Variants in NLRC5 observed in about 807,000 individuals in gnomAD.
NLRC5 encodes NLR family CARD domain containing 5.
NLRC5 carries 114 observed loss-of-function variants against 206.9 expected under a neutral mutation model. The observed-to-expected ratio is 0.55, with a 90% CI of 0.47 to 0.64. The LOEUF is 0.64. Ranked by LOEUF, NLRC5 falls within the 30% of genes least tolerant of loss-of-function variation. The pLI is 0.00. For missense variants in NLRC5, 2,008 were observed against 2,305.5 expected, an observed-to-expected ratio of 0.87 and a Z score of 2.64; for synonymous variants, 952 against 962.8, an observed-to-expected ratio of 0.99 and a Z score of 0.21.
At chr16:57,006,977 A>G (rs1235495001) in intron 1 of NLRC5, among the ~76,000 whole-genome samples, 2 of 151,404 alleles carry the variant, frequency 1.3e-5, no homozygotes, top group African/African-American at 4.9e-5. Context: ...TTTCTTATTT[A>G]CTCATCATCT....
chr16:57,055,361 G>A (rs1311114699), intron 26 of NLRC5, 72 bp from the exon 27 acceptor site: 2 of 1,440,422 alleles, frequency 1.4e-6, no homozygotes, highest in African/African-American at 2.8e-5. Context: ...TGTGCCCTGG[G>A]CTAGCCAGGC....
intron 22 of NLRC5, among the ~76,000 whole-genome samples, chr16:57,047,145 G>C (rs1448295803): frequency 1.3e-5 from 2 of 152,210 alleles, no homozygotes; most frequent in East Asian, 1.9e-4. Context: ...GAGCCACGGG[G>C]GTAACAGGGA....
rs531037280 is a variant in NLRC5, at chr16:57,078,715, C to T, written c.5082-335C>T. 2.6e-5 allele frequency among the ~76,000 whole-genome samples: 4 copies of T among 152,254 alleles called. No homozygotes were observed. In the East Asian group the frequency reaches 5.8e-4, roughly 22 times the overall value. Reference sequence around the variant, plus strand: ...TGGACTCCTGGCCTCAAGTGATCCACCCACCTCAGCCTCCAAAAGTGCTGG... The same window carrying T: ...TGGACTCCTGGCCTCAAGTGATCCATCCACCTCAGCCTCCAAAAGTGCTGG... On this transcript the variant is annotated intron_variant, in intron 43 of 48. Transcript: ENST00000688547.
chr16:57,047,428 G>A (rs2064141689), intron 22 of NLRC5, 117 bp from the exon 23 acceptor site: 1 of 842,542 alleles, frequency 1.2e-6, no homozygotes, highest in East Asian at 2.7e-5. Flanking sequence ...ACAGGGGAAG[G>A]GGCCTGTGGC....
At chr16:57,024,373 G>A (rs1391629873) in intron 5 of NLRC5, among the ~76,000 whole-genome samples, 9 of 152,186 alleles carry the variant, frequency 5.9e-5, no homozygotes, top group East Asian at 3.8e-4. Context: ...CGTTCTCCAC[G>A]AGTTGTCCCA....
chr16:57,058,856 A>T, intron 28 of NLRC5, 116 bp from the exon 29 acceptor site: 1 of 865,662 alleles, frequency 1.2e-6, no homozygotes, highest in Non-Finnish European at 1.9e-6. Context: ...ATAGATGCTT[A>T]GACATGGAGG....
chr16:57,062,133 T>C, intron 32 of NLRC5: 1 of 943,582 alleles, frequency 1.1e-6, no homozygotes, highest in Non-Finnish European at 1.5e-6. Context: ...TTTTTATATT[T>C]GCTTCTATTT....
At chr16:57,043,694 A>G (rs1056967793) in intron 20 of NLRC5, 90 bp downstream of exon 20, 20 of 1,000,390 alleles carry the variant, frequency 2.0e-5, no homozygotes, top group Non-Finnish European at 2.9e-5. Flanking sequence ...CACCAGTTTC[A>G]TGCCAACCTG....
intron 4 of NLRC5, 59 bp from the exon 5 acceptor site, chr16:57,023,726 T>G: frequency 1.4e-6 from 2 of 1,447,710 alleles, no homozygotes; most frequent in South Asian, 1.2e-5. Context: ...AGGTTCTGGG[T>G]AACCCCTCAG....
chr16:57,011,675 T>A (rs1157041375), intron 1 of NLRC5, among the ~76,000 whole-genome samples: 1 of 151,144 alleles, frequency 6.6e-6, no homozygotes, highest in Non-Finnish European at 1.5e-5. Context: ...GAGCTATGAT[T>A]GCACCACTGC....
At chr16:57,071,570 G>A (rs2067779193) in intron 38 of NLRC5, among the ~76,000 whole-genome samples, 1 of 138,174 alleles carries the variant, frequency 7.2e-6, no homozygotes, top group African/African-American at 2.7e-5. Flanking sequence ...GAGTGGTGGT[G>A]GTGGTTAATG....
intron 24 of NLRC5, 59 bp downstream of exon 24, chr16:57,051,680 C>G: frequency 7.1e-7 from 1 of 1,402,110 alleles, no homozygotes; most frequent in Non-Finnish European, 1.0e-6. Context: ...TAAGGCTCCT[C>G]CATGGCAAAG....
intron 43 of NLRC5, among the ~76,000 whole-genome samples, chr16:57,078,763 G>A (rs921877017): frequency 1.3e-5 from 2 of 152,144 alleles, no homozygotes; most frequent in Non-Finnish European, 1.5e-5. Flanking sequence ...GAGCCACCAT[G>A]GCTGGCTGGT....
At chr16:57,080,620 G>T (rs2069015228) in intron 46 of NLRC5, among the ~76,000 whole-genome samples, 1 of 151,686 alleles carries the variant, frequency 6.6e-6, no homozygotes, top group Non-Finnish European at 1.5e-5. Context: ...GAGTAGCTGG[G>T]ATTACAAGTG....
At chr16:57,033,817 G>A (rs2062167372) in intron 12 of NLRC5, 148 bp downstream of exon 12, 3 of 717,110 alleles carry the variant, frequency 4.2e-6, no homozygotes, top group Non-Finnish European at 7.1e-6. Context: ...ATCCTGGATA[G>A]CCCATCCTGG....
intron 2 of NLRC5, among the ~76,000 whole-genome samples, chr16:57,018,968 C>T (rs777421430): frequency 2.0e-5 from 3 of 152,270 alleles, no homozygotes; most frequent in East Asian, 3.9e-4. Context: ...ATTGTATATA[C>T]GTTCATGATC....
chr16:57,045,342 C>A, intron 20 of NLRC5, 106 bp from the exon 21 acceptor site: 1 of 968,696 alleles, frequency 1.0e-6, no homozygotes, highest in Non-Finnish European at 1.6e-6. Context: ...GCTAAGAAAG[C>A]AGGCCACCCC....
At chr16:57,045,276 G>T (rs1276917972) in intron 20 of NLRC5, 172 bp from the exon 21 acceptor site, 1 of 611,234 alleles carries the variant, frequency 1.6e-6, no homozygotes, top group Non-Finnish European at 3.0e-6. Context: ...AATGTCGATG[G>T]TGTGCTTTGC....
chr16:57,035,209 G>A (rs998122210), intron 13 of NLRC5, among the ~76,000 whole-genome samples: 4 of 152,178 alleles, frequency 2.6e-5, no homozygotes, highest in Middle Eastern at 3.4e-3. Flanking sequence ...CCTACTGGTA[G>A]CGCTCAAAAC....
Sources: allele counts gnomAD v4.1 joint callset (sites outside exome capture counted in the v4.1 genomes callset), GRCh38; gene constraint gnomAD v4.1.1; transcripts MANE v1.5; gene names NCBI Gene and HGNC (gene_info 2026-07-23, HGNC 2026-07-21).